The following GRIK2 variants were observed in gnomAD, a reference collection of about 807,000 sequenced individuals.
GRIK2 encodes glutamate receptor ionotropic, kainate 2.
A neutral mutation model predicts 100.3 loss-of-function variants in GRIK2; 32 were observed. The observed-to-expected ratio is 0.32, with a 90% CI of 0.24 to 0.43. The LOEUF (loss-of-function observed/expected upper bound fraction) is 0.43, where lower values mean the gene tolerates loss of function less well. Among genes scored for constraint, GRIK2 ranks in the 20% least tolerant of loss-of-function variants. GRIK2 has a pLI of 1.00. For synonymous variants in GRIK2, 417 were observed against 389.4 expected (o/e 1.07, Z -0.83); for missense variants, 843 against 1,114.9 (o/e 0.76, Z 3.47).
At chr6:101,527,870 G>T (rs1775231062) in intron 2 of GRIK2, among the ~76,000 whole-genome samples, 1 of 152,094 alleles carries the variant, frequency 6.6e-6, no homozygotes, top group Admixed American at 6.6e-5. Context: ...GGATGATTTT[G>T]TTTTTTATTT....
intron 2 of GRIK2, among the ~76,000 whole-genome samples, chr6:101,423,423 G>A (rs1464162082): frequency 6.6e-6 from 1 of 152,072 alleles, no homozygotes; most frequent in African/African-American, 2.4e-5. Context: ...AACAGTATAC[G>A]AGTGTTCCAA....
intron 10 of GRIK2, among the ~76,000 whole-genome samples, chr6:101,851,168 A>G (rs958285210): frequency 3.3e-5 from 5 of 152,120 alleles, no homozygotes; most frequent in Admixed American, 6.6e-5. Flanking sequence ...TTGAAGACAT[A>G]TATCTAAGTA....
At chr6:101,812,916 A>T (rs950956818) in intron 9 of GRIK2, among the ~76,000 whole-genome samples, 9 of 152,128 alleles carry the variant, frequency 5.9e-5, no homozygotes, top group African/African-American at 1.9e-4. Context: ...CTATGTTCAG[A>T]AAATGGAGAA....
chr6:101,724,955 C>T (rs1774755895), intron 7 of GRIK2, among the ~76,000 whole-genome samples: 1 of 152,004 alleles, frequency 6.6e-6, no homozygotes, highest in Admixed American at 6.6e-5. Flanking sequence ...CCTGCCTTTT[C>T]TGTCTCTTTT....
rs1170217088 is a variant in GRIK2, at chr6:101,522,943, T to C, written c.116-99006T>C. 2.0e-5 allele frequency among the ~76,000 whole-genome samples: 3 copies of C among 150,910 alleles called. No homozygotes were observed. The South Asian group carries it at 6.2e-4, about 31-fold the overall frequency. On this transcript the variant is annotated intron_variant, in intron 2 of 16. Transcript: ENST00000369134. ...ATGTGTTATATATTTAATCTATTTA[T>C]TAAATTAATGAACTAATGAGTTTCT...
At chr6:101,632,965 A>G (rs1780834524) in intron 4 of GRIK2, among the ~76,000 whole-genome samples, 1 of 152,158 alleles carries the variant, frequency 6.6e-6, no homozygotes, top group African/African-American at 2.4e-5. Context: ...ACTGGAGAAG[A>G]GTCTACAGTG....
At chr6:101,699,274 T>C (rs1772712118) in intron 7 of GRIK2, among the ~76,000 whole-genome samples, 1 of 152,130 alleles carries the variant, frequency 6.6e-6, no homozygotes, top group Non-Finnish European at 1.5e-5. Flanking sequence ...TTTTTGCCAA[T>C]TGTCTCCTCA....
At chr6:101,678,727 A>G (rs991801772) in intron 5 of GRIK2, among the ~76,000 whole-genome samples, 3 of 152,216 alleles carry the variant, frequency 2.0e-5, no homozygotes, top group Non-Finnish European at 4.4e-5. Flanking sequence ...GGAGTTGAAG[A>G]GCAAAAATAG....
intron 2 of GRIK2, chr6:101,430,930 G>GC (rs1769347646): frequency 2.1e-5 from 7 of 329,972 alleles, no homozygotes; most frequent in Non-Finnish European, 4.3e-5. Context: ...AGGTCCAGGT[G>GC]CAGGATGGCC....
Position 101,717,431 on chromosome 6 carries a change from C to G in GRIK2, c.951+31078C>G, listed in dbSNP as rs74989148. On this transcript the variant is annotated intron_variant, in intron 7 of 16. Transcript: ENST00000369134. ...TTTATCAAAAATGGATATATTCAAG[C>G]CTAAACTACTAATTTTTGTTGTATC... is the stretch of plus-strand genomic sequence containing the variant. Among the ~76,000 whole-genome samples the G allele has an allele frequency of 5.3e-5, 8 of 151,878 alleles. No individual in the cohort carries two copies. In the East Asian group the frequency reaches 1.4e-3, roughly 26 times the overall value.
chr6:101,874,660 G>A (rs1196769441), intron 11 of GRIK2, among the ~76,000 whole-genome samples: 1 of 152,008 alleles, frequency 6.6e-6, no homozygotes, highest in Non-Finnish European at 1.5e-5. Context: ...TGATGGGGAT[G>A]GCATTGAATC....
intron 7 of GRIK2, among the ~76,000 whole-genome samples, chr6:101,729,254 G>T (rs1418004565): frequency 6.6e-6 from 1 of 151,908 alleles, no homozygotes; most frequent in Non-Finnish European, 1.5e-5. Context: ...CCATGATTAT[G>T]CATTTAATTA....
At chr6:101,541,702 T>G (rs1232324059) in intron 2 of GRIK2, among the ~76,000 whole-genome samples, 1 of 152,082 alleles carries the variant, frequency 6.6e-6, no homozygotes. Flanking sequence ...TAGAAGCTTA[T>G]GGAACCCCCT....
intron 10 of GRIK2, among the ~76,000 whole-genome samples, chr6:101,850,930 C>T (rs1045806116): frequency 1.3e-5 from 2 of 151,976 alleles, no homozygotes; most frequent in African/African-American, 4.8e-5. Flanking sequence ...ATTATTTATC[C>T]TTGTACCGTG....
intron 2 of GRIK2, among the ~76,000 whole-genome samples, chr6:101,481,102 T>A (rs970998170): frequency 6.6e-6 from 1 of 152,186 alleles, no homozygotes; most frequent in Non-Finnish European, 1.5e-5. Context: ...TAAAAAAACA[T>A]CCTTGGTGAC....
At chr6:101,624,146 GA>G (rs1277454812) in intron 3 of GRIK2, among the ~76,000 whole-genome samples, 1 of 152,030 alleles carries the variant, frequency 6.6e-6, no homozygotes, top group Non-Finnish European at 1.5e-5. Flanking sequence ...ATTAGAGCTT[GA>G]ATTATTGTTT....
At chr6:101,662,791 A>C (rs1769723829) in intron 4 of GRIK2, among the ~76,000 whole-genome samples, 1 of 152,138 alleles carries the variant, frequency 6.6e-6, no homozygotes, top group African/African-American at 2.4e-5. Flanking sequence ...AATGATTTGC[A>C]TATCTGTCTC....
intron 14 of GRIK2, among the ~76,000 whole-genome samples, chr6:102,006,388 A>ATTTTT (rs1391488839): frequency 4.5e-5 from 5 of 111,918 alleles, no homozygotes; most frequent in African/African-American, 2.1e-4. Context: ...ATATATATAT[A>ATTTTT]TATTTTTTTT....
At chr6:102,064,684 G>C (rs2114534556) in intron 16 of GRIK2, among the ~76,000 whole-genome samples, 1 of 151,022 alleles carries the variant, frequency 6.6e-6, no homozygotes, top group Admixed American at 6.6e-5. Flanking sequence ...GTAAATTTTG[G>C]GCAATGTACA....
Sources: gnomAD v4.1 joint callset for allele counts (sites outside exome capture counted in the v4.1 genomes callset) on GRCh38, gnomAD v4.1.1 for gene constraint, MANE v1.5 for transcripts, NCBI Gene and HGNC (gene_info 2026-07-23, HGNC 2026-07-21) for gene names.